Variants in TERF2IP observed in about 807,000 individuals in gnomAD.
TERF2IP encodes the protein TERF2 interacting protein, also known as telomeric repeat-binding factor 2-interacting protein 1.
TERF2IP carries 35 observed loss-of-function variants against 33.3 expected under a neutral mutation model. The observed-to-expected ratio is 1.05, with a 90% confidence interval of 0.80 to 1.39. The LOEUF is 1.39. Among genes scored for constraint, TERF2IP ranks in the 40% most tolerant of loss-of-function variants. The pLI, the probability that TERF2IP is intolerant of heterozygous loss-of-function variation, is 0.00. For synonymous variants in TERF2IP, 253 were observed against 223.2 expected (o/e 1.13, Z -1.19); for missense variants, 583 against 524.8 (o/e 1.11, Z -1.08).
chr16:75,647,934 T>G lies in TERF2IP; in HGVS notation c.52T>G (p.Ser18Ala). The G allele has an allele frequency of 1.9e-6, 3 of 1,612,956 alleles. No individual in the cohort carries two copies. The highest frequency in any genetic ancestry group is 2.7e-5 in the African/African-American group (2 of 75,022). Residue 18 changes from serine to alanine, a missense_variant, in exon 1 of 3, where the codon TCG (serine) becomes GCG (alanine). Coordinates refer to ENST00000300086, the MANE Select transcript of TERF2IP (RefSeq NM_018975.4). ...AGACCCCAACGGGCCCACCCATTCC[T>G]CGACTCTGTTCGTGAGGGACGACGG... ...GKDPNGPTHS[S>A]TLFVRDDGSS...
In TERF2IP at chr16:75,656,699, ATTGGAACTGGCACTTAT is replaced by A; in HGVS notation, c.*91_*107del. 1 of 1,265,688 alleles carries A rather than the reference ATTGGAACTGGCACTTAT, an allele frequency of 7.9e-7. No homozygotes were observed. Among genetic ancestry groups the A allele is most frequent in the South Asian group, 1.5e-5 (1 of 66,414 alleles). The allele number at this position is 1,265,688 out of a possible 1,614,324, so 78.4% of individuals were successfully genotyped here. The stretch of plus-strand genomic sequence containing the variant: ...CCAATGAACTTTAGAGAGTTCTTGC[ATTGGAACTGGCACTTAT>A]TTTCTGACCATCGCTGCTGTTGCTC... On this transcript the variant is annotated 3_prime_UTR_variant, in exon 3 of 3. Transcript: ENST00000300086.
At chr16:75,648,704 G>T in intron 1 of TERF2IP, 152 bp downstream of exon 1, 1 of 1,432,212 alleles carries the variant, frequency 7.0e-7, no homozygotes, top group Non-Finnish European at 9.1e-7. Flanking sequence ...CCATTTTCTT[G>T]CCTTCTCGCT....
intron 2 of TERF2IP, among the ~76,000 whole-genome samples, chr16:75,655,462 G>A (rs2082377623): frequency 6.6e-6 from 1 of 152,180 alleles, no homozygotes; most frequent in African/African-American, 2.4e-5. Flanking sequence ...TCCAAACAAG[G>A]GAAATAATTT....
At chr16:75,654,645 A>G (rs1409845527) in intron 2 of TERF2IP, among the ~76,000 whole-genome samples, 1 of 152,216 alleles carries the variant, frequency 6.6e-6, no homozygotes, top group Non-Finnish European at 1.5e-5. Flanking sequence ...ATTGGGTAGA[A>G]TAGGGACAGT....
intron 1 of TERF2IP, among the ~76,000 whole-genome samples, chr16:75,649,968 G>A (rs1288483574): frequency 2.0e-5 from 3 of 152,030 alleles, no homozygotes; most frequent in African/African-American, 2.4e-5. Context: ...CCTTTTCTTT[G>A]CCTGTATGAC....
At chr16:75,651,967 A>G (rs973824458) in intron 1 of TERF2IP, among the ~76,000 whole-genome samples, 5 of 152,218 alleles carry the variant, frequency 3.3e-5, no homozygotes, top group African/African-American at 1.2e-4. Context: ...AAGTTAGTGT[A>G]TGGGAAAACA....
chr16:75,649,536 T>A (rs960303369), intron 1 of TERF2IP, among the ~76,000 whole-genome samples: 2 of 142,286 alleles, frequency 1.4e-5, no homozygotes, highest in Non-Finnish European at 3.0e-5. Flanking sequence ...AGAGCAAGAC[T>A]CCATCTCAAA....
chr16:75,654,185 C>A, intron 1 of TERF2IP, 88 bp from the exon 2 acceptor site: 90 of 962,658 alleles, frequency 9.3e-5, no homozygotes, highest in Non-Finnish European at 1.1e-4. Flanking sequence ...TGCAGGCTCA[C>A]TCCTGGCCCA....
intron 2 of TERF2IP, among the ~76,000 whole-genome samples, chr16:75,655,695 C>G (rs532319468): frequency 1.3e-5 from 2 of 152,314 alleles, no homozygotes; most frequent in African/African-American, 4.8e-5. Context: ...CTTGGAAGCC[C>G]TAATACATTC....
chr16:75,655,953 A>T (rs1321067206), intron 2 of TERF2IP, among the ~76,000 whole-genome samples: 1 of 152,148 alleles, frequency 6.6e-6, no homozygotes. Context: ...TTATACACAC[A>T]TATACACATA....
rs199614111 is a variant in TERF2IP, at chr16:75,648,149, G to C, written c.267G>C (p.Glu89Asp). ...CGCAGTACATCCTGGACTGCGTGGA[G>C]CGCAACGAGAGGCTGGAGCTGGAGG... is the stretch of plus-strand genomic sequence containing the variant. ...ISTQYILDCV[E>D]RNERLELEAY... Residue 89 changes from glutamate (E) to aspartate (D), a missense_variant, in exon 1 of 3, where the codon GAG becomes GAC. Transcript: ENST00000300086. The C allele has an allele frequency of 2.6e-6, 4 of 1,564,610 alleles. No individual in the cohort carries two copies. In the African/African-American group the frequency reaches 5.4e-5, roughly 21 times the overall value.
chr16:75,656,496 G>C lies in TERF2IP; in HGVS notation c.1085G>C (p.Trp362Ser). The change falls in exon 3 of 3, where the codon TGG (tryptophan) becomes TCG (serine). Residue 362 changes from tryptophan (W) to serine (S), a missense_variant. Physicochemically the swap from Trp to Ser is radical, Grantham distance 177. Transcript: ENST00000300086. ...CAGAGAGCTGATGGATATCCCATTT[G>C]GTCCCGACAAGATGACATAGATTTG... ...SGQRADGYPI[W>S]SRQDDIDLQK... The C allele has an allele frequency of 6.2e-7, 1 of 1,614,152 alleles. No homozygotes were observed. The highest frequency in any genetic ancestry group is 2.2e-5 in the East Asian group (1 of 44,886).
chr16:75,653,328 C>G (rs1459024572), intron 1 of TERF2IP, among the ~76,000 whole-genome samples: 3 of 151,992 alleles, frequency 2.0e-5, no homozygotes, highest in African/African-American at 7.3e-5. Context: ...TTAATTTTTT[C>G]TTTTTCCTTG....
chr16:75,650,185 T>A (rs1006415618), intron 1 of TERF2IP, among the ~76,000 whole-genome samples: 3 of 151,136 alleles, frequency 2.0e-5, no homozygotes, highest in African/African-American at 7.3e-5. Flanking sequence ...AGCTGGGGAG[T>A]GGTAAGGGCT....
chr16:75,654,670 A>G (rs142450746), intron 2 of TERF2IP, among the ~76,000 whole-genome samples: 2 of 152,346 alleles, frequency 1.3e-5, no homozygotes, highest in South Asian at 2.1e-4. Flanking sequence ...TAAACAGTAT[A>G]AAGCATCCCA....
rs1309825070 is a variant in TERF2IP, at chr16:75,657,340, C to G, written c.*729C>G. The G allele has an allele frequency of 6.6e-6, 1 of 152,098 alleles. No individual in the cohort carries two copies. Among genetic ancestry groups the G allele is most frequent in the Non-Finnish European group, 1.5e-5 (1 of 68,010 alleles). 9.4% of individuals were successfully genotyped at this position (152,098 alleles called of 1,614,324 possible). ...TGTTATTTATTGAGTATTGTTTGTG[C>G]TAAGCATTGTGTTAGATTTAAAAAA... is the stretch of plus-strand genomic sequence containing the variant. On this transcript the variant is annotated 3_prime_UTR_variant, in exon 3 of 3. Transcript: ENST00000300086.
At chr16:75,649,268 G>T (rs1391585145) in intron 1 of TERF2IP, among the ~76,000 whole-genome samples, 2 of 152,220 alleles carry the variant, frequency 1.3e-5, no homozygotes, top group African/African-American at 4.8e-5. Context: ...TCTTGGCCGG[G>T]CGCGGCGGCT....
rs1349826807 is a variant in TERF2IP at position 75,648,280 on chromosome 16, G to A, written c.398G>A (p.Arg133Gln). 7.9e-5 allele frequency: 122 copies of A among 1,550,298 alleles called. No individual in the cohort carries two copies. The highest frequency in any genetic ancestry group is 1.0e-4 in the Non-Finnish European group (120 of 1,146,590). ...CCGGAGCCGCAGCGGCACGCCGGGC[G>A]GATCGCCTTCACGGATGCGGACGAC... ...AEPEPQRHAG[R>Q]IAFTDADDVA... Residue 133 changes from arginine (R) to glutamine (Q), a missense_variant, in exon 1 of 3, where the codon CGG becomes CAG. By Grantham distance (43) the Arg-to-Gln change is conservative. Transcript: ENST00000300086.
Position 75,648,552 on chromosome 16 carries a change from G to T in TERF2IP, c.670G>T (p.Glu224Ter). 1 of 1,548,670 alleles carries T rather than the reference G, an allele frequency of 6.5e-7. No homozygotes were observed. Among genetic ancestry groups the T allele is most frequent in the Non-Finnish European group, 8.7e-7 (1 of 1,143,656 alleles). ...EEDPEAADSG[E>*]PQNKRTPDLP... ...GGACCCGGAGGCCGCGGATAGCGGG[G>T]GTGAGGAGGCTGAGCGCGGGGCCTC... The change falls in exon 1 of 3, where the codon GAA becomes TAA. Residue 224 changes from glutamate (E) to a stop codon, truncating the protein, a stop_gained and splice_region_variant. Transcript: ENST00000300086. LOFTEE classifies it high-confidence loss of function.
Sources: gnomAD v4.1 joint callset for allele counts (sites outside exome capture counted in the v4.1 genomes callset) on GRCh38, gnomAD v4.1.1 for gene constraint, MANE v1.5 for transcripts, NCBI Gene and HGNC (gene_info 2026-07-23, HGNC 2026-07-21) for gene names.